MALRD1: variants seen among roughly 807,000 people sequenced by gnomAD.
MALRD1 encodes the protein MAM and LDL-receptor class A domain-containing protein 1.
A neutral mutation model predicts 242.1 loss-of-function variants in MALRD1; 247 were observed. The ratio of observed to expected loss-of-function variants is 1.02; its 90% CI spans 0.92 to 1.13. The LOEUF (loss-of-function observed/expected upper bound fraction) is 1.13. Ranked by LOEUF, MALRD1 falls within the 50% of genes most tolerant of loss-of-function variation. The pLI is 0.00. For synonymous variants in MALRD1, 995 were observed against 866.6 expected, an observed-to-expected ratio of 1.15 and a Z score of -2.60; for missense variants, 2,989 against 2,533.1, an observed-to-expected ratio of 1.18 and a Z score of -3.86.
chr10:19,517,140 A>G (rs373794597), intron 31 of MALRD1, among the ~76,000 whole-genome samples: 1 of 152,210 alleles, frequency 6.6e-6, no homozygotes, highest in Non-Finnish European at 1.5e-5. Context: ...CCTAATATCA[A>G]TTGGATAGAT....
chr10:19,628,618 G>T (rs988991674), intron 36 of MALRD1, among the ~76,000 whole-genome samples: 16 of 152,000 alleles, frequency 1.1e-4, no homozygotes, highest in African/African-American at 3.9e-4. Context: ...GTTAAGAATA[G>T]TTAGTGAGCT....
chr10:19,489,899 T>C (rs73595818), intron 29 of MALRD1, among the ~76,000 whole-genome samples: 22,493 of 152,158 alleles, frequency 0.15, 2,079 homozygotes, highest in African/African-American at 0.25. Context: ...GTTGTGATAG[T>C]CCTATTTTCC....
At chr10:19,391,554 A>G (rs1312147174) in intron 28 of MALRD1, among the ~76,000 whole-genome samples, 1 of 152,120 alleles carries the variant, frequency 6.6e-6, no homozygotes, top group Admixed American at 6.5e-5. Flanking sequence ...CAGTATACAC[A>G]TTCGCTCCCT....
At chr10:19,238,502 TA>T (rs1267434504) in intron 18 of MALRD1, among the ~76,000 whole-genome samples, 3 of 47,088 alleles carry the variant, frequency 6.4e-5, no homozygotes, top group African/African-American at 3.2e-4. Flanking sequence ...ATATATAATA[TA>T]ATATATAATG....
intron 36 of MALRD1, among the ~76,000 whole-genome samples, chr10:19,616,707 C>T (rs990106598): frequency 3.3e-5 from 5 of 151,878 alleles, no homozygotes; most frequent in Non-Finnish European, 7.4e-5. Flanking sequence ...TTGTTTGAGT[C>T]GTTATTCCTG....
chr10:19,336,640 C>A (rs1378315672), intron 24 of MALRD1, among the ~76,000 whole-genome samples: 1 of 152,080 alleles, frequency 6.6e-6, no homozygotes, highest in Non-Finnish European at 1.5e-5. Flanking sequence ...ATAGCCCATG[C>A]CCCCCTCCTA....
chr10:19,419,941 C>T (rs1480080490), intron 28 of MALRD1, among the ~76,000 whole-genome samples: 1 of 152,136 alleles, frequency 6.6e-6, no homozygotes, highest in Non-Finnish European at 1.5e-5. Context: ...TCACTGTCCT[C>T]TATTAAATAG....
chr10:19,197,187 G>T (rs1322984865), intron 14 of MALRD1, among the ~76,000 whole-genome samples: 1 of 152,048 alleles, frequency 6.6e-6, no homozygotes, highest in Admixed American at 6.6e-5. Flanking sequence ...ACAGCATGGG[G>T]GAAATCACCC....
At chr10:19,356,630 T>C (rs1375686078) in intron 26 of MALRD1, among the ~76,000 whole-genome samples, 1 of 152,078 alleles carries the variant, frequency 6.6e-6, no homozygotes, top group Non-Finnish European at 1.5e-5. Context: ...TCAATTTGAA[T>C]TAGTCACATT....
At chr10:19,350,635 A>T (rs1017623590) in intron 25 of MALRD1, among the ~76,000 whole-genome samples, 1 of 152,116 alleles carries the variant, frequency 6.6e-6, no homozygotes, top group African/African-American at 2.4e-5. Flanking sequence ...TCGTCACCAG[A>T]TGTTCCCCTT....
At chr10:19,113,268 G>A (rs537257388) in intron 5 of MALRD1, among the ~76,000 whole-genome samples, 1 of 152,080 alleles carries the variant, frequency 6.6e-6, no homozygotes, top group East Asian at 1.9e-4. Context: ...AGCTCCTCAC[G>A]ATACTGCTCT....
intron 14 of MALRD1, among the ~76,000 whole-genome samples, chr10:19,182,418 G>A (rs1382235383): frequency 7.4e-6 from 1 of 135,770 alleles, no homozygotes; most frequent in Non-Finnish European, 1.5e-5. Flanking sequence ...TCTGCCTCCC[G>A]GGTTCACGCC....
At chr10:19,191,688 C>T (rs994633232) in intron 14 of MALRD1, among the ~76,000 whole-genome samples, 4 of 152,068 alleles carry the variant, frequency 2.6e-5, no homozygotes, top group Non-Finnish European at 4.4e-5. Flanking sequence ...CTGACATACA[C>T]TACAAAGTGA....
At chr10:19,585,587 A>C (rs180912083) in intron 33 of MALRD1, among the ~76,000 whole-genome samples, 1 of 152,082 alleles carries the variant, frequency 6.6e-6, no homozygotes. Flanking sequence ...GTTTCTGCTG[A>C]GAGATCTGCT....
chr10:19,592,183 C>T (rs1837824199), intron 33 of MALRD1, among the ~76,000 whole-genome samples: 1 of 152,218 alleles, frequency 6.6e-6, no homozygotes, highest in Non-Finnish European at 1.5e-5. Flanking sequence ...TTAAGGCAGA[C>T]TCCAAATCAG....
intron 13 of MALRD1, among the ~76,000 whole-genome samples, chr10:19,170,385 C>T (rs968173823): frequency 3.3e-5 from 5 of 152,094 alleles, no homozygotes; most frequent in African/African-American, 9.7e-5. Context: ...CTACTTTCTT[C>T]GAGCTTCCCA....
intron 22 of MALRD1, among the ~76,000 whole-genome samples, chr10:19,326,047 T>A (rs1175629934): frequency 1.3e-5 from 2 of 150,370 alleles, no homozygotes; most frequent in Admixed American, 1.3e-4. Context: ...GAATTTTTTT[T>A]ATAATGTGAG....
At chr10:19,489,142 A>G (rs980384830) in intron 29 of MALRD1, 4 of 467,764 alleles carry the variant, frequency 8.6e-6, no homozygotes, top group African/African-American at 8.0e-5. Context: ...CGCCACAGGA[A>G]AAGCCTAACA....
chr10:19,266,335 G>A (rs1839975529), intron 19 of MALRD1, among the ~76,000 whole-genome samples: 1 of 151,604 alleles, frequency 6.6e-6, no homozygotes, highest in Admixed American at 6.6e-5. Context: ...TGATTTTTCT[G>A]TAGTGGTATG....
Sources: allele counts gnomAD v4.1 joint callset (sites outside exome capture counted in the v4.1 genomes callset), GRCh38; gene constraint gnomAD v4.1.1; transcripts MANE v1.5; gene names NCBI Gene and HGNC (gene_info 2026-07-23, HGNC 2026-07-21).